Variants in SNX13 observed in about 807,000 individuals in gnomAD.
The protein encoded by SNX13 is sorting nexin 13, also known as sorting nexin-13.
In SNX13, 45 loss-of-function variants were observed where a neutral mutation model predicts 133.6. That is an observed-to-expected ratio of 0.34 (90% CI 0.27 to 0.43). The LOEUF is 0.43. SNX13 is among the 20% of genes least tolerant of loss of function. SNX13 has a pLI of 1.00. For synonymous variants in SNX13, 414 were observed against 373.9 expected, an observed-to-expected ratio of 1.11 and a Z score of -1.24; for missense variants, 1,032 against 1,145.1, an observed-to-expected ratio of 0.90 and a Z score of 1.43.
chr7:17,820,686 A>T (rs188686018), intron 18 of SNX13, among the ~76,000 whole-genome samples: 39 of 152,250 alleles, frequency 2.6e-4, no homozygotes, highest in Admixed American at 2.6e-3. Flanking sequence ...TGAAAAAGAT[A>T]ATTTCTGATT....
At chr7:17,797,169 C>T (rs1468964850) in intron 24 of SNX13, among the ~76,000 whole-genome samples, 2 of 151,750 alleles carry the variant, frequency 1.3e-5, no homozygotes, top group African/African-American at 2.4e-5. Flanking sequence ...AAAGTCTGCA[C>T]CAATGCAGTT....
intron 1 of SNX13, among the ~76,000 whole-genome samples, chr7:17,909,615 A>G (rs1305837478): frequency 6.6e-6 from 1 of 152,252 alleles, no homozygotes; most frequent in Non-Finnish European, 1.5e-5. Flanking sequence ...GCAGGAACAA[A>G]AAAACCGAAC....
rs1788829953 is a variant in SNX13, at chr7:17,834,005, T to C, written c.1597+47A>G. On this transcript the variant is annotated intron_variant, in intron 15 of 25. Coordinates refer to ENST00000428135, the MANE Select transcript of SNX13 (RefSeq NM_015132.5). Reference sequence around the variant, plus strand: ...AAAAGCTCTTTTGGTAAGCAGAATATATATAAATATATATGCATATTATGT... The same window carrying C: ...AAAAGCTCTTTTGGTAAGCAGAATACATATAAATATATATGCATATTATGT... 5 of 1,315,720 alleles carry C rather than the reference T, an allele frequency of 3.8e-6. No homozygotes were observed. In the African/African-American group the frequency reaches 7.5e-5, roughly 20 times the overall value. 81.5% of individuals were successfully genotyped at this position (1,315,720 alleles called of 1,614,324 possible). A position where few individuals can be genotyped will look rare whatever the true frequency, so the allele number is the denominator to read the frequency against.
chr7:17,857,944 T>G (rs943808571), intron 9 of SNX13, among the ~76,000 whole-genome samples: 3 of 152,202 alleles, frequency 2.0e-5, no homozygotes, highest in African/African-American at 7.2e-5. Flanking sequence ...ATCATTTCAA[T>G]AGATGTTGAA....
At chr7:17,838,072 T>C (rs1381416649) in intron 13 of SNX13, among the ~76,000 whole-genome samples, 1 of 151,916 alleles carries the variant, frequency 6.6e-6, no homozygotes, top group African/African-American at 2.4e-5. Flanking sequence ...TATTTCAAAT[T>C]AGAGAAAAAC....
At chr7:17,835,880 ATTTGT>A (rs2128313006) in intron 13 of SNX13, among the ~76,000 whole-genome samples, 1 of 151,966 alleles carries the variant, frequency 6.6e-6, no homozygotes, top group Admixed American at 6.6e-5. Flanking sequence ...GGGGATGCTT[ATTTGT>A]TTTGTGTTTC....
chr7:17,801,484 T>C (rs1784642085), intron 22 of SNX13, 104 bp downstream of exon 22: 4 of 793,512 alleles, frequency 5.0e-6, no homozygotes, highest in South Asian at 3.7e-5. Context: ...TTAACACTTA[T>C]AATATGTGCA....
intron 13 of SNX13, 80 bp from the exon 14 acceptor site, chr7:17,834,945 T>A: frequency 1.2e-6 from 1 of 815,774 alleles, no homozygotes; most frequent in Non-Finnish European, 1.9e-6. Flanking sequence ...AATAATGGAA[T>A]CATATTATTG....
At chr7:17,908,153 T>A (rs185353562) in intron 1 of SNX13, among the ~76,000 whole-genome samples, 1 of 152,300 alleles carries the variant, frequency 6.6e-6, no homozygotes, top group East Asian at 1.9e-4. Flanking sequence ...AGAAGAGAAA[T>A]TCTAGAGTTG....
At chr7:17,807,729 C>G (rs1396080849) in intron 20 of SNX13, among the ~76,000 whole-genome samples, 7 of 152,208 alleles carry the variant, frequency 4.6e-5, no homozygotes, top group Admixed American at 3.3e-4. Flanking sequence ...CAGCTGGCAT[C>G]TGGAGAGTGC....
At chr7:17,801,017 T>TATATATATAG (rs1784563477) in intron 22 of SNX13, among the ~76,000 whole-genome samples, 1 of 10,238 alleles carries the variant, frequency 9.8e-5, no homozygotes, top group Non-Finnish European at 2.3e-4. Context: ...AACATATATA[T>TATATATATAG]ATATATATAT....
intron 18 of SNX13, among the ~76,000 whole-genome samples, chr7:17,819,195 T>C (rs1033368495): frequency 2.6e-5 from 4 of 152,210 alleles, no homozygotes; most frequent in Non-Finnish European, 4.4e-5. Flanking sequence ...ATTAAAATCT[T>C]TAAGGAAAAT....
At chr7:17,885,200 C>T (rs1474107434) in intron 5 of SNX13, among the ~76,000 whole-genome samples, 1 of 151,350 alleles carries the variant, frequency 6.6e-6, no homozygotes, top group Admixed American at 6.6e-5. Context: ...CATGAATGAA[C>T]CTTGAAAACA....
chr7:17,846,345 C>T (rs1198459552), intron 11 of SNX13, among the ~76,000 whole-genome samples: 1 of 152,100 alleles, frequency 6.6e-6, no homozygotes, highest in Admixed American at 6.5e-5. Flanking sequence ...TTAATCCGCA[C>T]AGCAATCCTG....
intron 1 of SNX13, among the ~76,000 whole-genome samples, chr7:17,924,501 C>G (rs912648579): frequency 6.6e-6 from 1 of 152,188 alleles, no homozygotes; most frequent in Non-Finnish European, 1.5e-5. Flanking sequence ...ACAAAACCTT[C>G]CTACACTCCT....
At chr7:17,809,667 A>G (rs1254818993) in intron 20 of SNX13, among the ~76,000 whole-genome samples, 1 of 152,248 alleles carries the variant, frequency 6.6e-6, no homozygotes, top group African/African-American at 2.4e-5. Context: ...CAGAACATAC[A>G]TTCTTCTCAG....
intron 1 of SNX13, among the ~76,000 whole-genome samples, chr7:17,910,892 C>T (rs540051591): frequency 7.4e-4 from 113 of 152,164 alleles, no homozygotes; most frequent in African/African-American, 2.7e-3. Context: ...CGGGCTGGGG[C>T]GGAAGAGGAA....
intron 25 of SNX13, chr7:17,794,513 G>A: frequency 1.9e-6 from 1 of 520,006 alleles, no homozygotes; most frequent in Non-Finnish European, 3.4e-6. Context: ...AGACAATATA[G>A]CACAGGTGTA....
At chr7:17,902,148 A>G (rs564919818) in intron 1 of SNX13, among the ~76,000 whole-genome samples, 1 of 152,022 alleles carries the variant, frequency 6.6e-6, no homozygotes, top group Non-Finnish European at 1.5e-5. Context: ...CACCTAAACC[A>G]AAGTCCTATT....
Sources: gnomAD v4.1 joint callset for allele counts (sites outside exome capture counted in the v4.1 genomes callset) on GRCh38, gnomAD v4.1.1 for gene constraint, MANE v1.5 for transcripts, NCBI Gene and HGNC (gene_info 2026-07-23, HGNC 2026-07-21) for gene names.